PODXL: variants seen among roughly 807,000 people sequenced by gnomAD.
The protein encoded by PODXL is podocalyxin like.
Under a neutral mutation model 48.9 loss-of-function variants are expected in PODXL, and 20 were observed. The ratio of observed to expected loss-of-function variants is 0.41; its 90% CI spans 0.29 to 0.59. The LOEUF (loss-of-function observed/expected upper bound fraction) is 0.59. Among genes scored for constraint, PODXL ranks in the 20% least tolerant of loss-of-function variants. The pLI is 0.31. For synonymous variants in PODXL, 295 were observed against 287.4 expected (o/e 1.03, Z -0.27); for missense variants, 606 against 675.1 (o/e 0.90, Z 1.13).
chr7:131,526,887 C>T lies in PODXL; in HGVS notation c.101-15454G>A, dbSNP rs111609177. On this transcript the variant is annotated intron_variant, in intron 1 of 8. Transcript: ENST00000378555. The stretch of plus-strand genomic sequence containing the variant: ...CCGAGTAGCTGGGATTACAGGTGCC[C>T]GTCACCACGGCCGGCTAATTTTTGT... 5.6e-3 allele frequency among the ~76,000 whole-genome samples: 853 copies of T among 151,956 alleles called. 8 individuals are homozygous for T. The highest frequency in any genetic ancestry group is 0.02 in the African/African-American group (814 of 41,424).
At chr7:131,531,421 AC>A (rs753576436) in intron 1 of PODXL, among the ~76,000 whole-genome samples, 1 of 152,196 alleles carries the variant, frequency 6.6e-6, no homozygotes, top group East Asian at 1.9e-4. Context: ...CCATCGAGGA[AC>A]TGACTCGCCT....
chr7:131,527,021 G>A (rs1016901574), intron 1 of PODXL, among the ~76,000 whole-genome samples: 2 of 152,146 alleles, frequency 1.3e-5, no homozygotes, highest in Admixed American at 1.3e-4. Flanking sequence ...TTACAGGCGT[G>A]AGCCACCACA....
intron 1 of PODXL, among the ~76,000 whole-genome samples, chr7:131,532,455 A>AAAAAAAAAAT (rs1562913054): frequency 6.7e-6 from 1 of 149,378 alleles, no homozygotes; most frequent in Non-Finnish European, 1.5e-5. Context: ...AAAAAAATTA[A>AAAAAAAAAAT]AAATAAATAA....
At chr7:131,552,220 C>T (rs1229461071) in intron 1 of PODXL, among the ~76,000 whole-genome samples, 1 of 152,234 alleles carries the variant, frequency 6.6e-6, no homozygotes, top group African/African-American at 2.4e-5. Flanking sequence ...GGGCTGGGCC[C>T]TGGAGGTGGT....
Position 131,535,745 on chromosome 7 carries a change from C to G in PODXL, c.100+20515G>C, listed in dbSNP as rs1204196346. The stretch of plus-strand genomic sequence containing the variant: ...GCTGACCACTGATGTCTAAGATCCC[C>G]CTGGGGCTAGGCCTATTTTTGTTTC... On this transcript the variant is annotated intron_variant, in intron 1 of 8. Coordinates refer to ENST00000378555, the MANE Select transcript of PODXL (RefSeq NM_001018111.3). Among the ~76,000 whole-genome samples the G allele has an allele frequency of 1.3e-5, 2 of 152,068 alleles. 1 individual carries two copies. The highest frequency in any genetic ancestry group is 4.1e-4 in the South Asian group (2 of 4,820).
chr7:131,504,428 A>G lies in PODXL; in HGVS notation c.1560T>C (p.Ser520=), dbSNP rs529598859. Residue 520 remains serine (S), a synonymous_variant, in exon 9 of 9, where the codon TCT becomes TCC. Transcript: ENST00000378555. The stretch of plus-strand genomic sequence containing the variant: ...TGACCACCTTCTTCTCCTGCATCTC[A>G]GAAGAGGTCTCCATCACTTCCAGTG... ...NPTLEVMETS[S]EMQEKKVVSL... The G allele has an allele frequency of 1.9e-6, 3 of 1,613,650 alleles. No individual in the cohort carries two copies. Among genetic ancestry groups the G allele is most frequent in the South Asian group, 2.2e-5 (2 of 91,072 alleles).
intron 1 of PODXL, among the ~76,000 whole-genome samples, chr7:131,552,694 T>A (rs997075538): frequency 6.6e-6 from 1 of 152,114 alleles, no homozygotes; most frequent in African/African-American, 2.4e-5. Context: ...GCTGGGCTCC[T>A]AACCCCGCCA....
rs1268877104 is a variant in PODXL at position 131,502,443 on chromosome 7, G to C, written c.*1868C>G. Reference sequence around the variant, plus strand: ...GCCTTCCTTTTCCCCTAGGATATCAGATGGCTACAGACTGTGAGGAAGGAA... The same window carrying C: ...GCCTTCCTTTTCCCCTAGGATATCACATGGCTACAGACTGTGAGGAAGGAA... On this transcript the variant is annotated 3_prime_UTR_variant, in exon 9 of 9. Transcript: ENST00000378555. 2 of 152,268 alleles carry C rather than the reference G, an allele frequency of 1.3e-5. No homozygotes were observed. Among genetic ancestry groups the C allele is most frequent in the Non-Finnish European group, 2.9e-5 (2 of 68,138 alleles). 9.4% of individuals were successfully genotyped at this position (152,268 alleles called of 1,614,324 possible).
intron 1 of PODXL, among the ~76,000 whole-genome samples, chr7:131,519,932 C>T (rs1798065870): frequency 6.6e-6 from 1 of 151,946 alleles, no homozygotes; most frequent in South Asian, 2.1e-4. Context: ...ACCATGTTGC[C>T]CAGGCTGGAC....
intron 1 of PODXL, among the ~76,000 whole-genome samples, chr7:131,548,576 G>A (rs1045653365): frequency 6.6e-6 from 1 of 152,188 alleles, no homozygotes; most frequent in African/African-American, 2.4e-5. Flanking sequence ...CTTGGACCAC[G>A]AGGCCACGTG....
At chr7:131,508,810 T>TA in intron 5 of PODXL, 141 bp downstream of exon 5, 2 of 703,858 alleles carry the variant, frequency 2.8e-6, no homozygotes, top group East Asian at 5.2e-5. Flanking sequence ...CACTTCCTAC[T>TA]AGGAAGAAAT....
At chr7:131,521,816 G>C (rs918281414) in intron 1 of PODXL, among the ~76,000 whole-genome samples, 2 of 152,150 alleles carry the variant, frequency 1.3e-5, no homozygotes, top group African/African-American at 4.8e-5. Flanking sequence ...GCTGGCTGGG[G>C]AAAGAAAACA....
In PODXL at chr7:131,509,444, C is replaced by T. The variant is rs1797871944; in HGVS notation, c.944G>A (p.Ser315Asn). The part of the protein sequence containing the change: ...LRTPTLPETM[S>N]SSPTAASTTH... Reference sequence around the variant, plus strand: ...AGTTGATGCTGCTGTGGGGCTGGAGCTCATGGTCTCTGGCAGGGTAGGTGT... The same window carrying T: ...AGTTGATGCTGCTGTGGGGCTGGAGTTCATGGTCTCTGGCAGGGTAGGTGT... The change falls in exon 4 of 9, where the codon AGC (serine) becomes AAC (asparagine). Residue 315 changes from serine to asparagine, a missense_variant. Coordinates refer to ENST00000378555, the MANE Select transcript of PODXL (RefSeq NM_001018111.3). The T allele has an allele frequency of 6.2e-7, 1 of 1,613,960 alleles. No individual in the cohort carries two copies. The highest frequency in any genetic ancestry group is 1.3e-5 in the African/African-American group (1 of 74,898).
At chr7:131,529,299 G>A (rs973649057) in intron 1 of PODXL, among the ~76,000 whole-genome samples, 10 of 152,070 alleles carry the variant, frequency 6.6e-5, no homozygotes, top group African/African-American at 2.2e-4. Flanking sequence ...ATGAGTTAAC[G>A]CAGTGCCAGC....
intron 1 of PODXL, among the ~76,000 whole-genome samples, chr7:131,537,707 C>G (rs2116846855): frequency 6.6e-6 from 1 of 150,770 alleles, no homozygotes; most frequent in East Asian, 2.0e-4. Context: ...GACAGCTCGT[C>G]TCAGAAGCCC....
At chr7:131,519,104 T>C (rs1798054746) in intron 1 of PODXL, among the ~76,000 whole-genome samples, 1 of 152,146 alleles carries the variant, frequency 6.6e-6, no homozygotes, top group Non-Finnish European at 1.5e-5. Flanking sequence ...AGTGGACCTT[T>C]CCTTCAAAAA....
chr7:131,509,534 G>A lies in PODXL; in HGVS notation c.854C>T (p.Ala285Val), dbSNP rs762208662. Residue 285 changes from alanine (A) to valine (V), a missense_variant, in exon 4 of 9, where the codon GCC becomes GTC. Coordinates refer to ENST00000378555, the MANE Select transcript of PODXL (RefSeq NM_001018111.3). ...RTQQTSSQMP[A>V]SSTAPSSQET... Reference sequence around the variant, plus strand: ...CTGGGAGGAAGGGGCCGTAGAGCTGGCTGGCATCTGACTGGAGGTCTGTTG... The same window carrying A: ...CTGGGAGGAAGGGGCCGTAGAGCTGACTGGCATCTGACTGGAGGTCTGTTG... The A allele has an allele frequency of 2.5e-6, 4 of 1,600,928 alleles. No homozygotes were observed. Among genetic ancestry groups the A allele is most frequent in the African/African-American group, 1.3e-5 (1 of 74,454 alleles).
At chr7:131,543,828 G>A (rs1466176030) in intron 1 of PODXL, among the ~76,000 whole-genome samples, 1 of 152,102 alleles carries the variant, frequency 6.6e-6, no homozygotes, top group Non-Finnish European at 1.5e-5. Context: ...GGAATCCGTG[G>A]TGTCACTGCC....
chr7:131,504,194 G>A lies in PODXL; in HGVS notation c.*117C>T. 3.9e-6 allele frequency: 3 copies of A among 774,548 alleles called. No homozygotes were observed. The highest frequency in any genetic ancestry group is 6.4e-6 in the Non-Finnish European group (3 of 472,216). The allele number at this position is 774,548 out of a possible 1,614,324, so 48.0% of individuals were successfully genotyped here. ...ATTAAGGCCCTGGGGGGATTGGGAG[G>A]GGACACCCCTCGGAGTTCACTCTCC... On this transcript the variant is annotated 3_prime_UTR_variant, in exon 9 of 9. Transcript: ENST00000378555.
Sources: allele counts gnomAD v4.1 joint callset (sites outside exome capture counted in the v4.1 genomes callset), GRCh38; gene constraint gnomAD v4.1.1; transcripts MANE v1.5; gene names NCBI Gene and HGNC (gene_info 2026-07-23, HGNC 2026-07-21).